Variants in SMG9 observed in about 807,000 individuals in gnomAD.
SMG9 encodes SMG9 nonsense mediated mRNA decay factor, also known as nonsense-mediated mRNA decay factor SMG9.
SMG9 carries 55 observed loss-of-function variants against 64.0 expected under a neutral mutation model. The observed-to-expected ratio is 0.86, with a 90% CI of 0.69 to 1.08. The LOEUF is 1.08. Among genes scored for constraint, SMG9 ranks in the 50% least tolerant of loss-of-function variants. The probability of loss-of-function intolerance (pLI) is 0.00; values close to 1 mark genes in which losing one functional copy is unlikely to be tolerated. For synonymous variants in SMG9, 244 were observed against 254.8 expected (o/e 0.96, Z 0.41); for missense variants, 554 against 681.3 (o/e 0.81, Z 2.08).
In SMG9 at chr19:43,731,017, G is replaced by C. The variant is rs1386388669; in HGVS notation, c.*579C>G. 2 of 677,030 alleles carry C rather than the reference G, an allele frequency of 3.0e-6. No individual in the cohort carries two copies. Among genetic ancestry groups the C allele is most frequent in the African/African-American group, 3.9e-5 (2 of 51,066 alleles). 41.9% of individuals were successfully genotyped at this position (677,030 alleles called of 1,614,324 possible). A position where few individuals can be genotyped will look rare whatever the true frequency, so the allele number is the denominator to read the frequency against. On this transcript the variant is annotated 3_prime_UTR_variant, in exon 14 of 14. Coordinates refer to ENST00000270066, the MANE Select transcript of SMG9 (RefSeq NM_019108.4). ...ACAGGGGAGGCTTGATGCCACCCCA[G>C]GAAACAGAATAACCCCTTCTAGGGA...
chr19:43,738,773 G>A (rs113999946), intron 7 of SMG9, among the ~76,000 whole-genome samples: 1,672 of 152,286 alleles, frequency 0.011, 35 homozygotes, highest in African/African-American at 0.038. Flanking sequence ...ACAACTGCTC[G>A]CGTTCTCAAA....
rs78862856 is a variant in SMG9 at position 43,747,485 on chromosome 19, T to C, written c.545A>G (p.Lys182Arg). ...LPPERMKHSI[K>R]LVDDQMNWCD... The stretch of plus-strand genomic sequence containing the variant: ...CCAATTCATCTGGTCATCCACCAAC[T>C]TGATGCTGTGCTTCATGCGCTCTGG... Residue 182 changes from lysine (K) to arginine (R), a missense_variant, in exon 5 of 14, where the codon AAG (lysine) becomes AGG (arginine). Lys to Arg is a conservative substitution (Grantham distance 26). Transcript: ENST00000270066. 3 of 1,614,166 alleles carry C rather than the reference T, an allele frequency of 1.9e-6. No individual in the cohort carries two copies. The highest frequency in any genetic ancestry group is 2.2e-5 in the East Asian group (1 of 44,884).
intron 6 of SMG9, among the ~76,000 whole-genome samples, chr19:43,743,687 T>C (rs546357592): frequency 8.1e-4 from 124 of 152,274 alleles, no homozygotes; most frequent in South Asian, 4.1e-3. Context: ...TCCCAGCTAC[T>C]TGGGAGGCTG....
chr19:43,749,373 G>A (rs1347137811), intron 2 of SMG9, among the ~76,000 whole-genome samples: 1 of 152,198 alleles, frequency 6.6e-6, no homozygotes, highest in Admixed American at 6.5e-5. Flanking sequence ...CAGAGGATAA[G>A]AAGCCCATGG....
intron 2 of SMG9, chr19:43,748,836 A>G (rs746290149): frequency 3.9e-6 from 2 of 513,874 alleles, no homozygotes; most frequent in African/African-American, 3.9e-5. Flanking sequence ...TCACTGGCTT[A>G]CGGTGAAGAA....
chr19:43,737,912 G>A, intron 8 of SMG9: 1 of 649,766 alleles, frequency 1.5e-6, no homozygotes, highest in Non-Finnish European at 2.7e-6. Context: ...TCAAAGGGGA[G>A]GGGGTGGGAA....
At position 43,744,764 on chromosome 19, in the gene SMG9, C is replaced by A; in HGVS notation, c.701+8G>T. ...CTCCCTCCTGCACCCTATCTGATAG[C>A]CCCTCACCTCTGGTCCTCCTCTGGA... is the stretch of plus-strand genomic sequence containing the variant. On this transcript the variant is annotated splice_region_variant and intron_variant, in intron 6 of 13. Coordinates refer to ENST00000270066, the MANE Select transcript of SMG9 (RefSeq NM_019108.4). 6.2e-7 allele frequency: 1 copy of A among 1,608,784 alleles called. No individual in the cohort carries two copies. Among genetic ancestry groups the A allele is most frequent in the South Asian group, 1.1e-5 (1 of 90,736 alleles).
At chr19:43,750,951 A>G (rs1209044643) in intron 1 of SMG9, among the ~76,000 whole-genome samples, 1 of 151,974 alleles carries the variant, frequency 6.6e-6, no homozygotes, top group African/African-American at 2.4e-5. Context: ...CAGCCTCCCA[A>G]GTAGCTGGGA....
chr19:43,731,005 G>C lies in SMG9; in HGVS notation c.*591C>G. On this transcript the variant is annotated 3_prime_UTR_variant, in exon 14 of 14. Coordinates refer to ENST00000270066, the MANE Select transcript of SMG9 (RefSeq NM_019108.4). ...TCCAAAACATACACAGGGGAGGCTT[G>C]ATGCCACCCCAGGAAACAGAATAAC... is the stretch of plus-strand genomic sequence containing the variant. The C allele has an allele frequency of 1.9e-6, 1 of 527,958 alleles. No individual in the cohort carries two copies. The highest frequency in any genetic ancestry group is 2.4e-6 in the Non-Finnish European group (1 of 411,772). 32.7% of individuals were successfully genotyped at this position (527,958 alleles called of 1,614,324 possible).
intron 3 of SMG9, 27 bp from the exon 4 acceptor site, chr19:43,747,924 A>G (rs1175745871): frequency 3.7e-6 from 6 of 1,613,912 alleles, no homozygotes; most frequent in Middle Eastern, 3.3e-4. Context: ...AATCCCATCA[A>G]TGGGGGCAAT....
chr19:43,731,669 T>C lies in SMG9; in HGVS notation c.1490A>G (p.His497Arg). 1 of 1,614,180 alleles carries C rather than the reference T, an allele frequency of 6.2e-7. No homozygotes were observed. Among genetic ancestry groups the C allele is most frequent in the Non-Finnish European group, 8.5e-7 (1 of 1,180,024 alleles). ...CCCATCCCAGATCCGGGCAGCGTAG[T>C]GGAACCTGTGAGGAGGCCAACAGTC... The part of the protein sequence containing the change: ...HTILTEKNWF[H>R]YAARIWDGVR... The change falls in exon 14 of 14, where the codon CAC becomes CGC. Residue 497 changes from histidine to arginine, a missense_variant. Coordinates refer to ENST00000270066, the MANE Select transcript of SMG9 (RefSeq NM_019108.4).
intron 5 of SMG9, among the ~76,000 whole-genome samples, chr19:43,745,982 C>T (rs995918801): frequency 4.6e-5 from 7 of 151,680 alleles, no homozygotes; most frequent in African/African-American, 1.2e-4. Context: ...GCCTGGGCAA[C>T]AGGAGCGAAA....
chr19:43,745,883 C>T (rs1968984520), intron 5 of SMG9, among the ~76,000 whole-genome samples: 2 of 152,298 alleles, frequency 1.3e-5, no homozygotes, highest in African/African-American at 4.8e-5. Context: ...TGCCTGTAAT[C>T]CCAGCTACTC....
rs1358365303 is a variant in SMG9, at chr19:43,730,296, C to G, written c.*1300G>C. 1 of 152,176 alleles carries G rather than the reference C, an allele frequency of 6.6e-6. No homozygotes were observed. Among genetic ancestry groups the G allele is most frequent in the Non-Finnish European group, 1.5e-5 (1 of 68,058 alleles). The allele number at this position is 152,176 out of a possible 1,614,324, so 9.4% of individuals were successfully genotyped here. ...GAGACATACTTTGGGAAACCTCAAA[C>G]TAAGATCATGTACTGTATTTAACTG... On this transcript the variant is annotated 3_prime_UTR_variant, in exon 14 of 14. Transcript: ENST00000270066.
At chr19:43,731,714 TC>T (rs892683171) in intron 13 of SMG9, 40 bp from the exon 14 acceptor site, 3 of 1,612,728 alleles carry the variant, frequency 1.9e-6, no homozygotes, top group African/African-American at 1.3e-5. Flanking sequence ...TGGCCGGGGC[TC>T]CCCCCAGCCC....
intron 10 of SMG9, chr19:43,734,153 C>T (rs1162933192): frequency 1.8e-6 from 1 of 567,068 alleles, no homozygotes; most frequent in Admixed American, 3.1e-5. Context: ...TGGGGCCTGT[C>T]CCATTCCAGA....
At chr19:43,752,693 T>G (rs1260978107) in intron 1 of SMG9, among the ~76,000 whole-genome samples, 1 of 151,558 alleles carries the variant, frequency 6.6e-6, no homozygotes, top group African/African-American at 2.4e-5. Flanking sequence ...AGCCCAGGAG[T>G]TCGAGACCAG....
rs933838209 is a variant in SMG9, at chr19:43,747,376, A to G, written c.588+66T>C. The stretch of plus-strand genomic sequence containing the variant: ...AACCCTCCAGTCTGGTGTTGCCTAC[A>G]GAGAGGTGGAAGATCAGAGGATGCA... On this transcript the variant is annotated intron_variant, in intron 5 of 13. Transcript: ENST00000270066. 2.6e-6 allele frequency: 4 copies of G among 1,522,502 alleles called. No homozygotes were observed. In the African/African-American group the frequency reaches 5.5e-5, roughly 21 times the overall value. The allele number at this position is 1,522,502 out of a possible 1,614,324, so 94.3% of individuals were successfully genotyped here.
rs1969147212 is a variant in SMG9 at position 43,750,070 on chromosome 19, T to C, written c.150+522A>G. 6.1e-6 allele frequency: 3 copies of C among 495,000 alleles called. No individual in the cohort carries two copies. The Admixed American group carries it at 6.2e-5, about 10-fold the overall frequency. The allele number at this position is 495,000 out of a possible 1,614,324, so 30.7% of individuals were successfully genotyped here. A position where few individuals can be genotyped will look rare whatever the true frequency, so the allele number is the denominator to read the frequency against. ...AAAAGAGTAACAGTTGTTGTTATTA[T>C]GACATGACCCTTTAAAACATGAGCT... On this transcript the variant is annotated intron_variant, in intron 2 of 13. Transcript: ENST00000270066.
Sources: allele counts gnomAD v4.1 joint callset (sites outside exome capture counted in the v4.1 genomes callset), GRCh38; gene constraint gnomAD v4.1.1; transcripts MANE v1.5; gene names NCBI Gene and HGNC (gene_info 2026-07-23, HGNC 2026-07-21).